Variants in MRPL48 observed in about 807,000 individuals in gnomAD.
MRPL48 encodes the protein mitochondrial ribosomal protein L48.
In MRPL48, 16 loss-of-function variants were observed where a neutral mutation model predicts 32.9. The ratio of observed to expected loss-of-function variants is 0.49; its 90% CI spans 0.33 to 0.74. The LOEUF (loss-of-function observed/expected upper bound fraction) is 0.74, where lower values mean the gene tolerates loss of function less well. Ranked by LOEUF, MRPL48 falls within the 30% of genes least tolerant of loss-of-function variation. MRPL48 has a pLI of 0.02. For synonymous variants in MRPL48, 94 were observed against 89.2 expected, an observed-to-expected ratio of 1.05 and a Z score of -0.31; for missense variants, 206 against 245.3, an observed-to-expected ratio of 0.84 and a Z score of 1.07.
intron 3 of MRPL48, among the ~76,000 whole-genome samples, chr11:73,814,691 C>A (rs73547517): frequency 4.9e-4 from 70 of 141,808 alleles, no homozygotes; most frequent in Non-Finnish European, 8.5e-4. Flanking sequence ...GTGAGACTGT[C>A]TCAAGAAAAA....
chr11:73,799,911 A>G (rs1424578305), intron 1 of MRPL48, among the ~76,000 whole-genome samples: 1 of 152,190 alleles, frequency 6.6e-6, no homozygotes. Context: ...TATGAACTTC[A>G]TTAGTATAAA....
At chr11:73,815,249 C>T (rs776042530) in intron 3 of MRPL48, among the ~76,000 whole-genome samples, 20 of 152,126 alleles carry the variant, frequency 1.3e-4, no homozygotes, top group Non-Finnish European at 2.4e-4. Context: ...AACCCCATCT[C>T]TACTAAAAAT....
chr11:73,826,318 C>T (rs546274832), intron 4 of MRPL48, among the ~76,000 whole-genome samples: 27 of 152,050 alleles, frequency 1.8e-4, no homozygotes, highest in South Asian at 1.0e-3. Context: ...CCATGGCTGG[C>T]CTGATTTTAT....
rs544541929 is a variant in MRPL48 at position 73,860,244 on chromosome 11, T to G, written c.474+235T>G. Reference sequence around the variant, plus strand: ...TACTGATAACCCCCAGATGTATATATCTCCAGTCCTGATCTGTTGGCTGAG... The same window carrying G: ...TACTGATAACCCCCAGATGTATATAGCTCCAGTCCTGATCTGTTGGCTGAG... On this transcript the variant is annotated intron_variant, in intron 6 of 7. Transcript: ENST00000310614. 9 of 374,516 alleles carry G rather than the reference T, an allele frequency of 2.4e-5. No individual in the cohort carries two copies. In the East Asian group the frequency reaches 4.5e-4, roughly 19 times the overall value. The allele number at this position is 374,516 out of a possible 1,614,324, so 23.2% of individuals were successfully genotyped here.
chr11:73,825,683 G>A lies in MRPL48; in HGVS notation c.113-25G>A, dbSNP rs192689976. 14 of 1,538,164 alleles carry A rather than the reference G, an allele frequency of 9.1e-6. 1 individual carries two copies. In the Middle Eastern group the frequency reaches 1.2e-3, roughly 130 times the overall value. On this transcript the variant is annotated intron_variant, in intron 3 of 7. Coordinates refer to ENST00000310614, the MANE Select transcript of MRPL48 (RefSeq NM_016055.6). The stretch of plus-strand genomic sequence containing the variant: ...GATAATAGCAACAACAAAAAAACAG[G>A]TTTGTCTTATTTTCTCTCTTTTAGG...
chr11:73,818,090 G>A (rs575118824), intron 3 of MRPL48: 6 of 152,702 alleles, frequency 3.9e-5, no homozygotes, highest in South Asian at 2.0e-4. Flanking sequence ...GGGATTACAG[G>A]TGTCAGTCAC....
chr11:73,807,419 G>A (rs2134966883), intron 2 of MRPL48, among the ~76,000 whole-genome samples: 1 of 149,030 alleles, frequency 6.7e-6, no homozygotes, highest in Admixed American at 6.7e-5. Context: ...AAATGTGATA[G>A]TATCCCGTTC....
chr11:73,830,059 G>A lies in MRPL48; in HGVS notation c.201+4263G>A, dbSNP rs536601025. ...TTACAGGAGTGAGCCACCGTACCTGGCCTTAACCATCTATTTTGATGACTA... is the reference window on the plus strand; with the variant it reads ...TTACAGGAGTGAGCCACCGTACCTGACCTTAACCATCTATTTTGATGACTA... On this transcript the variant is annotated intron_variant, in intron 4 of 7. Coordinates refer to ENST00000310614, the MANE Select transcript of MRPL48 (RefSeq NM_016055.6). Among the ~76,000 whole-genome samples the A allele has an allele frequency of 1.2e-3, 180 of 152,252 alleles. 2 individuals carry two copies. The highest frequency in any genetic ancestry group is 2.1e-3 in the South Asian group (10 of 4,820).
chr11:73,841,159 T>A (rs1344638540), intron 4 of MRPL48, among the ~76,000 whole-genome samples: 1 of 152,192 alleles, frequency 6.6e-6, no homozygotes, highest in African/African-American at 2.4e-5. Flanking sequence ...TTAGGAAGAA[T>A]GTAGAGCAAT....
At chr11:73,854,861 T>A (rs1948459292) in intron 5 of MRPL48, among the ~76,000 whole-genome samples, 1 of 152,198 alleles carries the variant, frequency 6.6e-6, no homozygotes, top group East Asian at 1.9e-4. Flanking sequence ...TGTGTATTAG[T>A]AGATCAACGT....
At chr11:73,849,298 G>A (rs553876499) in intron 5 of MRPL48, among the ~76,000 whole-genome samples, 1 of 151,718 alleles carries the variant, frequency 6.6e-6, no homozygotes, top group Non-Finnish European at 1.5e-5. Context: ...CACCACACCC[G>A]GCTTATGTTT....
intron 4 of MRPL48, among the ~76,000 whole-genome samples, chr11:73,833,197 C>T (rs1266213458): frequency 6.6e-6 from 1 of 151,790 alleles, no homozygotes; most frequent in Non-Finnish European, 1.5e-5. Context: ...GAACTGGACA[C>T]TCCTCTGGCA....
rs117025402 is a variant in MRPL48 at position 73,821,389 on chromosome 11, C to T, written c.113-4319C>T. Among the ~76,000 whole-genome samples the T allele has an allele frequency of 3.0e-4, 46 of 152,260 alleles. No homozygotes were observed. The East Asian group carries it at 8.7e-3, about 29-fold the overall frequency. ...TCTCCATAAGCAGAGTTTTGTTGGC[C>T]TTGTCCCCAACCCTTTGCACGGTGT... On this transcript the variant is annotated intron_variant, in intron 3 of 7. Transcript: ENST00000310614.
intron 1 of MRPL48, among the ~76,000 whole-genome samples, chr11:73,792,276 A>G (rs1947166062): frequency 6.6e-6 from 1 of 152,192 alleles, no homozygotes; most frequent in African/African-American, 2.4e-5. Context: ...AATCACCTGC[A>G]GTTATTTTGC....
intron 1 of MRPL48, among the ~76,000 whole-genome samples, chr11:73,799,365 T>C (rs1300380566): frequency 1.3e-5 from 2 of 151,906 alleles, no homozygotes; most frequent in Admixed American, 1.3e-4. Flanking sequence ...AACAAAAGAA[T>C]TGGAATATAG....
At chr11:73,836,093 C>G (rs1486723360) in intron 4 of MRPL48, among the ~76,000 whole-genome samples, 1 of 149,800 alleles carries the variant, frequency 6.7e-6, no homozygotes, top group Non-Finnish European at 1.5e-5. Context: ...ACCTCCATGC[C>G]CAGCTAATTT....
At chr11:73,813,374 A>G (rs961658144) in intron 3 of MRPL48, among the ~76,000 whole-genome samples, 1 of 151,710 alleles carries the variant, frequency 6.6e-6, no homozygotes. Context: ...GGGTTTCACC[A>G]TGTTGGTCAG....
At chr11:73,824,787 A>G (rs1261380477) in intron 3 of MRPL48, among the ~76,000 whole-genome samples, 1 of 152,144 alleles carries the variant, frequency 6.6e-6, no homozygotes, top group Non-Finnish European at 1.5e-5. Context: ...GAGCCCTCTG[A>G]GAATGTATTT....
chr11:73,826,774 CTTTT>C (rs71065041), intron 4 of MRPL48, among the ~76,000 whole-genome samples: 1 of 108,924 alleles, frequency 9.2e-6, no homozygotes, highest in Non-Finnish European at 1.9e-5. Flanking sequence ...ACTGTATTTT[CTTTT>C]TTTTTTTTTT....
Sources: gnomAD v4.1 joint callset for allele counts (sites outside exome capture counted in the v4.1 genomes callset) on GRCh38, gnomAD v4.1.1 for gene constraint, MANE v1.5 for transcripts, NCBI Gene and HGNC (gene_info 2026-07-23, HGNC 2026-07-21) for gene names.